CLVS1: variants seen among roughly 807,000 people sequenced by gnomAD.
CLVS1 encodes clavesin 1.
In CLVS1, 10 loss-of-function variants were observed where a neutral mutation model predicts 33.1. The observed-to-expected ratio is 0.30, with a 90% CI of 0.19 to 0.51. The LOEUF (loss-of-function observed/expected upper bound fraction) is 0.51. Ranked by LOEUF, CLVS1 falls within the 20% of genes least tolerant of loss-of-function variation. CLVS1 has a pLI of 0.97. For missense variants in CLVS1, 343 were observed against 433.4 expected, an observed-to-expected ratio of 0.79 and a Z score of 1.85; for synonymous variants, 163 against 166.1, an observed-to-expected ratio of 0.98 and a Z score of 0.14.
intron 2 of CLVS1, among the ~76,000 whole-genome samples, chr8:61,221,144 C>T (rs1457892333): frequency 6.6e-6 from 1 of 152,196 alleles, no homozygotes; most frequent in East Asian, 1.9e-4. Context: ...GACAACTTGA[C>T]TTCCTCTCTT....
At chr8:61,399,202 C>T (rs958808491) in intron 3 of CLVS1, among the ~76,000 whole-genome samples, 6 of 152,156 alleles carry the variant, frequency 3.9e-5, no homozygotes, top group Non-Finnish European at 7.4e-5. Context: ...TCCACAACCT[C>T]GCCAGCTTCT....
At chr8:61,436,183 A>G (rs907736259) in intron 3 of CLVS1, among the ~76,000 whole-genome samples, 3 of 152,162 alleles carry the variant, frequency 2.0e-5, no homozygotes, top group Non-Finnish European at 2.9e-5. Flanking sequence ...TCTCACTTGC[A>G]TAATCAATTA....
At chr8:61,376,523 T>G in intron 2 of CLVS1, 82 bp from the exon 3 acceptor site, 1 of 1,341,810 alleles carries the variant, frequency 7.5e-7, no homozygotes, top group Non-Finnish European at 1.0e-6. Context: ...AGCAGTGGCA[T>G]GCGGAGGCCA....
intron 3 of CLVS1, among the ~76,000 whole-genome samples, chr8:61,453,893 AG>A (rs1402511696): frequency 6.6e-6 from 1 of 152,202 alleles, no homozygotes; most frequent in Non-Finnish European, 1.5e-5. Context: ...GATTTGAAAA[AG>A]ACAGGCCTGG....
chr8:60,979,911 T>C, the CLVS1 span, among the ~76,000 whole-genome samples: 1 of 152,238 alleles, frequency 6.6e-6, no homozygotes, highest in African/African-American at 2.4e-5. Flanking sequence ...GGGATTTTGT[T>C]CTAATCACTA....
intron 2 of CLVS1, among the ~76,000 whole-genome samples, chr8:61,333,301 C>A (rs943745270): frequency 6.6e-6 from 1 of 152,136 alleles, no homozygotes; most frequent in African/African-American, 2.4e-5. Context: ...AACCAGAAAA[C>A]TCCTTTACGT....
intron 3 of CLVS1, chr8:61,391,351 G>T (rs1253292221): frequency 6.6e-6 from 1 of 152,168 alleles, no homozygotes; most frequent in East Asian, 1.9e-4. Context: ...GGAACCAGCT[G>T]GTCATACTCC....
chr8:61,177,267 C>A (rs979344636), intron 2 of CLVS1, among the ~76,000 whole-genome samples: 1 of 152,146 alleles, frequency 6.6e-6, no homozygotes, highest in African/African-American at 2.4e-5. Flanking sequence ...TTTCTCCTCA[C>A]TGGGCAGGGC....
chr8:61,101,115 G>A (rs1168825124), intron 1 of CLVS1, among the ~76,000 whole-genome samples: 1 of 152,104 alleles, frequency 6.6e-6, no homozygotes, highest in Non-Finnish European at 1.5e-5. Flanking sequence ...GGATCATATA[G>A]TAACATGACC....
At chr8:61,355,004 C>T (rs530655825) in intron 2 of CLVS1, among the ~76,000 whole-genome samples, 5 of 152,242 alleles carry the variant, frequency 3.3e-5, no homozygotes, top group African/African-American at 1.2e-4. Flanking sequence ...CTACAGTTAC[C>T]TCAATTTAAA....
intron 3 of CLVS1, among the ~76,000 whole-genome samples, chr8:61,406,374 C>G (rs758949441): frequency 1.3e-5 from 2 of 152,164 alleles, no homozygotes; most frequent in Non-Finnish European, 2.9e-5. Flanking sequence ...TGACCCATTA[C>G]TTTACCTCCT....
intron 2 of CLVS1, among the ~76,000 whole-genome samples, chr8:61,178,527 C>T (rs185934028): frequency 7.9e-4 from 120 of 152,162 alleles, no homozygotes; most frequent in African/African-American, 2.7e-3. Flanking sequence ...AGAAGATCCA[C>T]GCCAAGACAC....
chr8:61,272,340 G>A (rs1359775668), intron 2 of CLVS1, among the ~76,000 whole-genome samples: 1 of 152,218 alleles, frequency 6.6e-6, no homozygotes, highest in Non-Finnish European at 1.5e-5. Flanking sequence ...CTTCTGGCTT[G>A]TAGGTTTTCT....
At chr8:61,200,884 A>G (rs1247370282) in intron 2 of CLVS1, among the ~76,000 whole-genome samples, 1 of 152,066 alleles carries the variant, frequency 6.6e-6, no homozygotes. Flanking sequence ...TTAAAATTAT[A>G]TATTTGTTTC....
rs529337436 is a variant in CLVS1, at chr8:61,157,136, C to G, written c.-152+25276C>G. Among the ~76,000 whole-genome samples the G allele has an allele frequency of 5.9e-5, 9 of 152,298 alleles. No individual in the cohort carries two copies. In the East Asian group the frequency reaches 1.5e-3, roughly 26 times the overall value. On this transcript the variant is annotated intron_variant, in intron 2 of 2. Coordinates refer to the CLVS1 transcript ENST00000522621. The stretch of plus-strand genomic sequence containing the variant: ...ATCAGGCCTCAGGTATAAAGGCACT[C>G]TAGCTTGTGTCAGTTACCTCCCTAA...
chr8:61,104,898 G>A (rs138847097), intron 1 of CLVS1, among the ~76,000 whole-genome samples: 1,774 of 152,130 alleles, frequency 0.012, 41 homozygotes, highest in African/African-American at 0.038. Context: ...GTATGATCTC[G>A]GCTCACTGCA....
chr8:61,129,302 G>A (rs1806040073), intron 1 of CLVS1, among the ~76,000 whole-genome samples: 1 of 152,206 alleles, frequency 6.6e-6, no homozygotes, highest in Non-Finnish European at 1.5e-5. Flanking sequence ...GTCTGCTTAG[G>A]TTGTGTAGTG....
At chr8:61,102,447 C>G (rs1312038104) in intron 1 of CLVS1, among the ~76,000 whole-genome samples, 1 of 151,960 alleles carries the variant, frequency 6.6e-6, no homozygotes, top group Admixed American at 6.6e-5. Flanking sequence ...GTATATTTAT[C>G]TTGCATCCTG....
chr8:61,218,636 T>TA (rs113600902), intron 2 of CLVS1, among the ~76,000 whole-genome samples: 40,776 of 145,070 alleles, frequency 0.28, 6,809 homozygotes, highest in East Asian at 0.71. Flanking sequence ...TATATGTCAA[T>TA]AAAAAAAAAA....
Sources: gnomAD v4.1 joint callset for allele counts (sites outside exome capture counted in the v4.1 genomes callset) on GRCh38, gnomAD v4.1.1 for gene constraint, MANE v1.5 for transcripts, NCBI Gene and HGNC (gene_info 2026-07-23, HGNC 2026-07-21) for gene names.